The following CALD1 variants were observed in gnomAD, a reference collection of about 807,000 sequenced individuals.
The protein encoded by CALD1 is caldesmon.
In CALD1, 33 loss-of-function variants were observed where a neutral mutation model predicts 99.9. The observed-to-expected ratio is 0.33, with a 90% CI of 0.25 to 0.44. The LOEUF is 0.44. Among genes scored for constraint, CALD1 ranks in the 20% least tolerant of loss-of-function variants. The probability of loss-of-function intolerance (pLI) is 1.00; values close to 1 mark genes in which losing one functional copy is unlikely to be tolerated. For synonymous variants in CALD1, 310 were observed against 325.0 expected, an observed-to-expected ratio of 0.95 and a Z score of 0.50; for missense variants, 861 against 962.1, an observed-to-expected ratio of 0.89 and a Z score of 1.39.
At chr7:134,892,200 A>G (rs1310388471) in intron 3 of CALD1, among the ~76,000 whole-genome samples, 1 of 152,204 alleles carries the variant, frequency 6.6e-6, no homozygotes, top group Non-Finnish European at 1.5e-5. Context: ...ACGGACTCCA[A>G]GGGTTTAGGA....
chr7:134,808,482 C>T (rs1167272117), intron 1 of CALD1, among the ~76,000 whole-genome samples: 1 of 152,144 alleles, frequency 6.6e-6, no homozygotes, highest in African/African-American at 2.4e-5. Flanking sequence ...GCAAAAGTTA[C>T]AATATTCTAA....
At chr7:134,955,813 A>G (rs1363778510) in intron 9 of CALD1, among the ~76,000 whole-genome samples, 2 of 152,144 alleles carry the variant, frequency 1.3e-5, no homozygotes, top group Non-Finnish European at 2.9e-5. Flanking sequence ...TTAGTATTCA[A>G]TTTTATATAG....
chr7:134,830,950 G>A (rs928356405), intron 1 of CALD1, among the ~76,000 whole-genome samples: 16 of 152,104 alleles, frequency 1.1e-4, no homozygotes, highest in African/African-American at 3.9e-4. Context: ...CCTGAGAGCC[G>A]CTGATAGAGT....
At chr7:134,722,167 A>G in the CALD1 span, among the ~76,000 whole-genome samples, 2 of 152,296 alleles carry the variant, frequency 1.3e-5, no homozygotes, top group South Asian at 2.1e-4. Context: ...GTCGTGTTCA[A>G]ATTTAAAGCT....
intron 11 of CALD1, among the ~76,000 whole-genome samples, chr7:134,959,519 T>C (rs1808086056): frequency 6.6e-6 from 1 of 152,038 alleles, no homozygotes; most frequent in Non-Finnish European, 1.5e-5. Context: ...TTTTTTCATT[T>C]TTTTCTCTAC....
chr7:134,727,148 G>T, the CALD1 span, among the ~76,000 whole-genome samples: 1 of 152,192 alleles, frequency 6.6e-6, no homozygotes, highest in East Asian at 1.9e-4. Flanking sequence ...TACAGGAAAA[G>T]AAATCTTCTG....
chr7:134,800,306 C>T (rs1014283910), intron 1 of CALD1, among the ~76,000 whole-genome samples: 3 of 152,012 alleles, frequency 2.0e-5, no homozygotes, highest in Non-Finnish European at 4.4e-5. Context: ...AAATGTATTG[C>T]TCAAATCTCT....
upstream of CALD1, among the ~76,000 whole-genome samples, chr7:134,739,983 A>C (rs543155542): frequency 2.0e-5 from 3 of 152,152 alleles, no homozygotes; most frequent in African/African-American, 7.2e-5. Flanking sequence ...TATAAAATTT[A>C]AGGGAGATAC....
intron 2 of CALD1, among the ~76,000 whole-genome samples, chr7:134,857,676 A>G (rs1184543009): frequency 6.6e-6 from 1 of 152,190 alleles, no homozygotes; most frequent in Non-Finnish European, 1.5e-5. Context: ...TGTCTGTTAC[A>G]TCCAAGGGAC....
chr7:134,803,523 C>T (rs185752438), intron 1 of CALD1, among the ~76,000 whole-genome samples: 109 of 151,992 alleles, frequency 7.2e-4, no homozygotes, highest in Admixed American at 1.7e-3. Flanking sequence ...ATGTTTAGAT[C>T]TGTGGTCCAT....
chr7:134,772,179 C>T (rs980736698), intron 1 of CALD1, among the ~76,000 whole-genome samples: 3 of 149,670 alleles, frequency 2.0e-5, no homozygotes, highest in African/African-American at 4.9e-5. Flanking sequence ...ACTGTAGCTT[C>T]GACCTCCCAG....
intron 1 of CALD1, among the ~76,000 whole-genome samples, chr7:134,786,898 G>C (rs993104470): frequency 5.9e-5 from 9 of 152,258 alleles, no homozygotes; most frequent in South Asian, 2.1e-4. Flanking sequence ...ATCAACTGTA[G>C]AGCTTTTTGA....
intron 1 of CALD1, among the ~76,000 whole-genome samples, chr7:134,796,766 T>C (rs1797759550): frequency 6.6e-6 from 1 of 152,064 alleles, no homozygotes; most frequent in Non-Finnish European, 1.5e-5. Flanking sequence ...TTGTATTTTT[T>C]TGTAGAGAAG....
At chr7:134,725,808 G>T in the CALD1 span, among the ~76,000 whole-genome samples, 2 of 152,150 alleles carry the variant, frequency 1.3e-5, no homozygotes, top group East Asian at 1.9e-4. Context: ...CATCATAAGA[G>T]TGAGGCAGGA....
intron 3 of CALD1, among the ~76,000 whole-genome samples, chr7:134,910,873 A>G (rs1013433877): frequency 1.3e-5 from 2 of 152,232 alleles, no homozygotes; most frequent in African/African-American, 4.8e-5. Flanking sequence ...ACATAATGCC[A>G]TCTCCAGAGA....
chr7:134,736,266 T>G, the CALD1 span, among the ~76,000 whole-genome samples: 1 of 152,144 alleles, frequency 6.6e-6, no homozygotes, highest in Non-Finnish European at 1.5e-5. Context: ...ACATTTAGGA[T>G]GACATTCAAA....
chr7:134,929,086 A>G (rs183500959), intron 4 of CALD1, among the ~76,000 whole-genome samples, 186 bp downstream of exon 4: 5 of 152,304 alleles, frequency 3.3e-5, no homozygotes, highest in African/African-American at 7.2e-5. Flanking sequence ...TTTAGACACT[A>G]GGACACACTA....
intron 3 of CALD1, chr7:134,868,112 T>C (rs1324618468): frequency 5.8e-6 from 1 of 172,342 alleles, no homozygotes; most frequent in Non-Finnish European, 1.2e-5. Flanking sequence ...GAATGAAGGT[T>C]TAAAAAGCTT....
chr7:134,812,864 C>T lies in CALD1; in HGVS notation c.-129-31020C>T, dbSNP rs563737662. Among the ~76,000 whole-genome samples, 49 of 152,134 alleles carry T rather than the reference C, an allele frequency of 3.2e-4. 1 individual carries two copies. The South Asian group carries it at 9.5e-3, about 30-fold the overall frequency. On this transcript the variant is annotated intron_variant, in intron 1 of 14. Coordinates refer to ENST00000361675, the MANE Select transcript of CALD1 (RefSeq NM_033138.4). ...TGGTATTTAATGCCAAGAGACAAGA[C>T]GAGACCAAGCCAGTGAGTTATTAGA... is the stretch of plus-strand genomic sequence containing the variant.
Sources: gnomAD v4.1 joint callset for allele counts (sites outside exome capture counted in the v4.1 genomes callset) on GRCh38, gnomAD v4.1.1 for gene constraint, MANE v1.5 for transcripts, NCBI Gene and HGNC (gene_info 2026-07-23, HGNC 2026-07-21) for gene names.